GABRG3: variants seen among roughly 807,000 people sequenced by gnomAD.
The protein encoded by GABRG3 is gamma-aminobutyric acid type A receptor subunit gamma3.
Under a neutral mutation model 48.8 loss-of-function variants are expected in GABRG3, and 25 were observed. The ratio of observed to expected loss-of-function variants is 0.51; its 90% confidence interval spans 0.37 to 0.72. GABRG3 has a LOEUF of 0.72. GABRG3 is among the 30% of genes least tolerant of loss of function. The pLI is 0.00. For missense variants in GABRG3, 394 were observed against 577.9 expected, an observed-to-expected ratio of 0.68 and a Z score of 3.26; for synonymous variants, 227 against 217.6, an observed-to-expected ratio of 1.04 and a Z score of -0.38.
chr15:27,034,105 C>T (rs1896134981), intron 3 of GABRG3, among the ~76,000 whole-genome samples: 1 of 152,240 alleles, frequency 6.6e-6, no homozygotes, highest in Non-Finnish European at 1.5e-5. Context: ...ACCATGACTT[C>T]TCCATATGAA....
At chr15:27,279,474 T>C (rs1164359272) in intron 3 of GABRG3, among the ~76,000 whole-genome samples, 1 of 152,176 alleles carries the variant, frequency 6.6e-6, no homozygotes, top group Non-Finnish European at 1.5e-5. Flanking sequence ...TTCATTTTTT[T>C]CCCTATGGAT....
intron 2 of GABRG3, among the ~76,000 whole-genome samples, chr15:26,977,429 C>T (rs1000117140): frequency 6.6e-6 from 1 of 152,158 alleles, no homozygotes; most frequent in Non-Finnish European, 1.5e-5. Context: ...AAGTGGATCT[C>T]GTATCACCTC....
chr15:27,173,824 G>T (rs1595566395), intron 3 of GABRG3, among the ~76,000 whole-genome samples: 1 of 152,144 alleles, frequency 6.6e-6, no homozygotes, highest in East Asian at 1.9e-4. Flanking sequence ...AGAAGTTACA[G>T]TGATCTGTGA....
intron 7 of GABRG3, among the ~76,000 whole-genome samples, chr15:27,522,465 C>A (rs904147267): frequency 6.6e-6 from 1 of 151,636 alleles, no homozygotes; most frequent in Non-Finnish European, 1.5e-5. Flanking sequence ...TATTTTTATT[C>A]TTTCAATTAA....
At chr15:27,314,593 T>C (rs1286569364) in intron 3 of GABRG3, among the ~76,000 whole-genome samples, 1 of 152,196 alleles carries the variant, frequency 6.6e-6, no homozygotes, top group Non-Finnish European at 1.5e-5. Flanking sequence ...TGAGGGTCTT[T>C]CAAAGATATC....
At chr15:27,281,669 T>C (rs1358711131) in intron 3 of GABRG3, among the ~76,000 whole-genome samples, 1 of 151,852 alleles carries the variant, frequency 6.6e-6, no homozygotes, top group African/African-American at 2.4e-5. Context: ...TTACTTTAAT[T>C]AGGATAAATT....
At chr15:27,028,777 G>C (rs930747292) in intron 3 of GABRG3, among the ~76,000 whole-genome samples, 1 of 139,810 alleles carries the variant, frequency 7.2e-6, no homozygotes, top group Non-Finnish European at 1.5e-5. Context: ...CTGCACTCCA[G>C]CCTGGGTGAC....
chr15:27,013,586 A>G (rs1411286134), intron 2 of GABRG3, among the ~76,000 whole-genome samples: 2 of 152,058 alleles, frequency 1.3e-5, no homozygotes, highest in Admixed American at 1.3e-4. Flanking sequence ...TCTTTTGCAT[A>G]TGGAGATACA....
At chr15:27,206,847 T>G (rs997811967) in intron 3 of GABRG3, among the ~76,000 whole-genome samples, 1 of 152,172 alleles carries the variant, frequency 6.6e-6, no homozygotes, top group Non-Finnish European at 1.5e-5. Context: ...TTAGTCTGTT[T>G]TGTCTGAAAT....
At chr15:27,414,356 C>G (rs954788928) in intron 5 of GABRG3, among the ~76,000 whole-genome samples, 1 of 152,028 alleles carries the variant, frequency 6.6e-6, no homozygotes, top group Non-Finnish European at 1.5e-5. Context: ...GCAGCCTACT[C>G]TTTATTCTAG....
At chr15:27,313,238 ATATG>A (rs1308089430) in intron 3 of GABRG3, among the ~76,000 whole-genome samples, 6 of 77,594 alleles carry the variant, frequency 7.7e-5, no homozygotes, top group East Asian at 3.4e-4. Flanking sequence ...GTATATGTAT[ATATG>A]TGTGTGTGTG....
intron 6 of GABRG3, among the ~76,000 whole-genome samples, chr15:27,496,435 G>A (rs1382886637): frequency 6.6e-6 from 1 of 152,122 alleles, no homozygotes; most frequent in African/African-American, 2.4e-5. Flanking sequence ...GCCTTTGTTG[G>A]GCATTGCTTT....
chr15:27,195,900 G>A (rs1384876010), intron 3 of GABRG3, among the ~76,000 whole-genome samples: 1 of 152,178 alleles, frequency 6.6e-6, no homozygotes, highest in African/African-American at 2.4e-5. Flanking sequence ...CTCCCAAGGT[G>A]CTGGGATTAC....
intron 5 of GABRG3, among the ~76,000 whole-genome samples, chr15:27,414,515 T>A (rs1887887374): frequency 6.6e-6 from 1 of 152,152 alleles, no homozygotes; most frequent in South Asian, 2.1e-4. Context: ...CTGCTTATTT[T>A]AAACAAATGA....
chr15:27,250,506 A>G (rs1890420755), intron 3 of GABRG3, among the ~76,000 whole-genome samples: 1 of 152,066 alleles, frequency 6.6e-6, no homozygotes, highest in Non-Finnish European at 1.5e-5. Context: ...GGCTCACTGC[A>G]ACCTCTGCCT....
intron 3 of GABRG3, among the ~76,000 whole-genome samples, chr15:27,138,143 C>G (rs1898041738): frequency 6.6e-6 from 1 of 152,184 alleles, no homozygotes; most frequent in Admixed American, 6.5e-5. Flanking sequence ...GCCTTTTCAG[C>G]TATTTATTCT....
intron 3 of GABRG3, among the ~76,000 whole-genome samples, chr15:27,315,559 G>A (rs1271824523): frequency 1.3e-5 from 2 of 152,182 alleles, no homozygotes; most frequent in East Asian, 1.9e-4. Flanking sequence ...ATGAATGTTA[G>A]TCTTGGGTAA....
rs148501821 is a variant in GABRG3, at chr15:27,272,933, A to G, written c.271-53876A>G. Among the ~76,000 whole-genome samples the G allele has an allele frequency of 7.4e-4, 113 of 152,340 alleles. 1 individual carries two copies. Among genetic ancestry groups the G allele is most frequent in the African/African-American group, 2.6e-3 (109 of 41,578 alleles). ...GAAAGATTCTGTCATATAAAGGGTC[A>G]TAGAGTAAATATTTGGTCTGTTGCC... is the stretch of plus-strand genomic sequence containing the variant. On this transcript the variant is annotated intron_variant, in intron 3 of 9. Coordinates refer to ENST00000615808, the MANE Select transcript of GABRG3 (RefSeq NM_033223.5).
chr15:27,088,266 C>A (rs1434063516), intron 3 of GABRG3, among the ~76,000 whole-genome samples: 5 of 131,504 alleles, frequency 3.8e-5, no homozygotes, highest in Non-Finnish European at 6.5e-5. Context: ...CGGGGGCGGG[C>A]GCGGGGGCGG....
Sources: gnomAD v4.1 joint callset for allele counts (sites outside exome capture counted in the v4.1 genomes callset) on GRCh38, gnomAD v4.1.1 for gene constraint, MANE v1.5 for transcripts, NCBI Gene and HGNC (gene_info 2026-07-23, HGNC 2026-07-21) for gene names.